SYN3: variants seen among roughly 807,000 people sequenced by gnomAD.
SYN3 encodes the protein synapsin III.
A neutral mutation model predicts 65.8 loss-of-function variants in SYN3; 35 were observed. The ratio of observed to expected loss-of-function variants is 0.53; its 90% CI spans 0.41 to 0.70. The LOEUF is 0.70. Among genes scored for constraint, SYN3 ranks in the 30% least tolerant of loss-of-function variants. SYN3 has a pLI of 0.00. For missense variants in SYN3, 680 were observed against 749.0 expected (o/e 0.91, Z 1.08); for synonymous variants, 270 against 292.9 (o/e 0.92, Z 0.80).
At chr22:33,011,021 C>T (rs2053337525) in intron 1 of SYN3, among the ~76,000 whole-genome samples, 1 of 152,150 alleles carries the variant, frequency 6.6e-6, no homozygotes, top group African/African-American at 2.4e-5. Flanking sequence ...ATAATGTCAT[C>T]TATAAATAGA....
intron 4 of SYN3, among the ~76,000 whole-genome samples, chr22:32,900,554 C>G (rs2049729488): frequency 6.6e-6 from 1 of 151,202 alleles, no homozygotes; most frequent in African/African-American, 2.4e-5. Context: ...AAGAGACATC[C>G]TTTTTTGACC....
intron 6 of SYN3, among the ~76,000 whole-genome samples, chr22:32,713,883 C>A (rs2061001707): frequency 1.3e-5 from 2 of 150,934 alleles, no homozygotes; most frequent in African/African-American, 2.4e-5. Context: ...AAATCTGCAT[C>A]AACACCAAAG....
intron 6 of SYN3, among the ~76,000 whole-genome samples, chr22:32,817,574 G>C (rs142367890): frequency 6.6e-6 from 1 of 152,172 alleles, no homozygotes; most frequent in South Asian, 2.1e-4. Context: ...AGTGGTGCCA[G>C]TGGGTGCTTT....
At chr22:32,781,003 CCT>C (rs1159355432) in intron 6 of SYN3, among the ~76,000 whole-genome samples, 9 of 97,262 alleles carry the variant, frequency 9.3e-5, no homozygotes, top group African/African-American at 3.8e-4. Context: ...TCTCTCACCC[CCT>C]TCTTTCTTTC....
intron 6 of SYN3, among the ~76,000 whole-genome samples, chr22:32,788,551 AT>A (rs1249776733): frequency 2.0e-5 from 3 of 149,298 alleles, no homozygotes; most frequent in Non-Finnish European, 4.5e-5. Context: ...AAAAAAAAAA[AT>A]AATAATAATA....
intron 4 of SYN3, among the ~76,000 whole-genome samples, chr22:32,885,459 A>C (rs1383813149): frequency 6.6e-6 from 1 of 152,128 alleles, no homozygotes; most frequent in Non-Finnish European, 1.5e-5. Flanking sequence ...CCTATGAAAA[A>C]GAGTCTCTTT....
chr22:32,622,612 A>G (rs998376746), intron 6 of SYN3, among the ~76,000 whole-genome samples: 1 of 151,234 alleles, frequency 6.6e-6, no homozygotes, highest in Non-Finnish European at 1.5e-5. Flanking sequence ...TTCGGTTAAC[A>G]TTCCAGAAAG....
Position 33,016,083 on chromosome 22 carries a change from T to G in SYN3, c.-162-9259A>C, listed in dbSNP as rs886133276. On this transcript the variant is annotated intron_variant, in intron 1 of 13. Transcript: ENST00000358763. The stretch of plus-strand genomic sequence containing the variant: ...CTGGTCTTGAACTCCTGACCTCAGG[T>G]GATCCACTCGCCTCGGCCTCCCAAA... Among the ~76,000 whole-genome samples the G allele has an allele frequency of 2.6e-5, 4 of 152,284 alleles. No homozygotes were observed. The South Asian group carries it at 8.3e-4, about 32-fold the overall frequency.
intron 7 of SYN3, among the ~76,000 whole-genome samples, chr22:32,561,388 C>T (rs966495480): frequency 6.6e-6 from 1 of 152,176 alleles, no homozygotes; most frequent in African/African-American, 2.4e-5. Context: ...GGGTAGGTGC[C>T]TTCACTGGCT....
intron 1 of SYN3, among the ~76,000 whole-genome samples, chr22:33,048,256 C>A (rs1269102829): frequency 6.6e-6 from 1 of 151,780 alleles, no homozygotes; most frequent in African/African-American, 2.4e-5. Context: ...ATTTAATTTT[C>A]ATTATTGTTA....
chr22:32,673,075 T>A (rs2060393685), intron 6 of SYN3, among the ~76,000 whole-genome samples: 1 of 152,142 alleles, frequency 6.6e-6, no homozygotes, highest in South Asian at 2.1e-4. Flanking sequence ...CCTTTCTGGG[T>A]GTTGAGAAAA....
chr22:32,769,998 A>G (rs1193186384), intron 6 of SYN3, among the ~76,000 whole-genome samples: 2 of 152,160 alleles, frequency 1.3e-5, no homozygotes, highest in African/African-American at 2.4e-5. Context: ...AGGCATTTCT[A>G]GTCTAATATG....
chr22:32,956,339 A>G (rs1224560757), intron 3 of SYN3, among the ~76,000 whole-genome samples: 1 of 151,910 alleles, frequency 6.6e-6, no homozygotes, highest in Non-Finnish European at 1.5e-5. Flanking sequence ...TATTTTTAGT[A>G]GAGACAGTGT....
rs1018539791 is a variant in SYN3 at position 32,992,642 on chromosome 22, G to A, written c.312-11940C>T. On this transcript the variant is annotated intron_variant, in intron 2 of 13. Coordinates refer to ENST00000358763, the MANE Select transcript of SYN3 (RefSeq NM_003490.4). ...AGCCTGACCAATATAGTGGAACCCC[G>A]TCCCTACTAAAAATACAAAACTTAG... Among the ~76,000 whole-genome samples the A allele has an allele frequency of 6.6e-5, 10 of 152,180 alleles. 1 individual carries two copies. Among genetic ancestry groups the A allele is most frequent in the East Asian group, 5.8e-4 (3 of 5,156 alleles).
intron 1 of SYN3, among the ~76,000 whole-genome samples, chr22:33,024,795 A>G (rs1402197689): frequency 2.0e-5 from 3 of 152,234 alleles, no homozygotes; most frequent in Non-Finnish European, 4.4e-5. Context: ...TAAGCTGCTT[A>G]GAAAGACAGT....
intron 12 of SYN3, among the ~76,000 whole-genome samples, chr22:32,525,278 C>T (rs2057956820): frequency 6.6e-6 from 1 of 152,054 alleles, no homozygotes; most frequent in African/African-American, 2.4e-5. Context: ...AGCAAGAGAA[C>T]TAAAATAAGA....
rs939764218 is a variant in SYN3 at position 32,531,125 on chromosome 22, G to C, written c.1096-2117C>G. On this transcript the variant is annotated intron_variant, in intron 10 of 13. Transcript: ENST00000358763. ...GCCTTTCCTCTTCCCTCTTTCCCCT[G>C]GCGACAGAATGAGACCCCGTCTCAA... is the stretch of plus-strand genomic sequence containing the variant. Among the ~76,000 whole-genome samples the C allele has an allele frequency of 2.3e-5, 3 of 132,244 alleles. No homozygotes were observed. In the Admixed American group the frequency reaches 2.6e-4, roughly 11 times the overall value. The allele number at this position is 132,244 out of a possible 152,430, so 86.8% of individuals were successfully genotyped here.
At chr22:32,985,812 G>A (rs1908807895) in intron 2 of SYN3, among the ~76,000 whole-genome samples, 1 of 151,854 alleles carries the variant, frequency 6.6e-6, no homozygotes, top group South Asian at 2.1e-4. Flanking sequence ...CTGAACCTCT[G>A]CACAGGCCTT....
At chr22:32,981,024 T>C (rs899980740) in intron 2 of SYN3, among the ~76,000 whole-genome samples, 2 of 151,732 alleles carry the variant, frequency 1.3e-5, no homozygotes, top group Non-Finnish European at 2.9e-5. Context: ...CCGGCTATTT[T>C]TTTTATTTTT....
Sources: allele counts gnomAD v4.1 joint callset (sites outside exome capture counted in the v4.1 genomes callset), GRCh38; gene constraint gnomAD v4.1.1; transcripts MANE v1.5; gene names NCBI Gene and HGNC (gene_info 2026-07-23, HGNC 2026-07-21).